SYTL5: variants seen among roughly 807,000 people sequenced by gnomAD.
SYTL5 encodes the protein synaptotagmin-like protein 5.
SYTL5 carries 34 observed loss-of-function variants against 55.9 expected under a neutral mutation model. The ratio of observed to expected loss-of-function variants is 0.61; its 90% CI spans 0.46 to 0.81. The LOEUF is 0.81. Ranked by LOEUF, SYTL5 falls within the 30% of genes least tolerant of loss-of-function variation. SYTL5 has a pLI of 0.00. For missense variants in SYTL5, 637 were observed against 546.7 expected (o/e 1.17, Z -1.65); for synonymous variants, 221 against 188.7 (o/e 1.17, Z -1.40).
the SYTL5 span, among the ~76,000 whole-genome samples, chrX:37,918,572 T>C: frequency 8.9e-6 from 1 of 112,286 alleles, no homozygotes; most frequent in Non-Finnish European, 1.9e-5. Context: ...ATTATAGGGC[T>C]GTTGTGCATC....
chrX:37,961,078 C>T, the SYTL5 span, among the ~76,000 whole-genome samples: 1 of 110,702 alleles, frequency 9.0e-6, no homozygotes. Context: ...GCCACCGCGC[C>T]CGGCCTCCTC....
the SYTL5 span, chrX:37,949,480 C>T: frequency 6.3e-5 from 7 of 111,510 alleles, no homozygotes; most frequent in African/African-American, 2.3e-4. Context: ...TGCTTGCTGC[C>T]CAAAGCATTC....
At chrX:38,081,932 TGTGGGTAGA>T (rs1381457996) in intron 6 of SYTL5, among the ~76,000 whole-genome samples, 55 of 111,580 alleles carry the variant, frequency 4.9e-4, no homozygotes, top group Non-Finnish European at 3.8e-5. Context: ...ACCAAGATTC[TGTGGGTAGA>T]GGTAAGTGCT....
chrX:38,028,904 G>A (rs1383495070), intron 1 of SYTL5, among the ~76,000 whole-genome samples: 6 of 111,308 alleles, frequency 5.4e-5, no homozygotes, highest in African/African-American at 6.5e-5. Flanking sequence ...TGATTACCTC[G>A]GTGGCAATGT....
In SYTL5 at chrX:38,026,648, T is replaced by A. The variant is rs752336303; in HGVS notation, c.-356-6886T>A. Among the ~76,000 whole-genome samples, 3 of 112,364 alleles carry A rather than the reference T, an allele frequency of 2.7e-5. No homozygotes were observed. In the East Asian group the frequency reaches 8.4e-4, roughly 32 times the overall value. Reference sequence around the variant, plus strand: ...ATTATTCATGCCTCCCCTTTTTAGATCATACAGGGTAACTTTCTAATGTTG... The same window carrying A: ...ATTATTCATGCCTCCCCTTTTTAGAACATACAGGGTAACTTTCTAATGTTG... On this transcript the variant is annotated intron_variant, in intron 1 of 16. Coordinates refer to ENST00000297875, the MANE Select transcript of SYTL5 (RefSeq NM_138780.3).
the SYTL5 span, among the ~76,000 whole-genome samples, chrX:37,931,851 T>C: frequency 1.8e-5 from 2 of 111,197 alleles, no homozygotes; most frequent in South Asian, 3.8e-4. Context: ...TCAATTTGAG[T>C]TGACTAAATA....
chrX:37,902,666 C>T, the SYTL5 span, among the ~76,000 whole-genome samples: 7 of 111,267 alleles, frequency 6.3e-5, no homozygotes, highest in South Asian at 1.5e-3. Context: ...TCTCTCCCTC[C>T]GCCAAAATAA....
chrX:37,900,314 C>T, the SYTL5 span, among the ~76,000 whole-genome samples: 3 of 112,354 alleles, frequency 2.7e-5, no homozygotes, highest in African/African-American at 9.7e-5. Context: ...AGAATTCATA[C>T]TTTCATAGTT....
rs1049514584 is a variant in SYTL5 at position 38,072,231 on chromosome X, A to G, written c.445+69A>G. The G allele has an allele frequency of 6.1e-6, 5 of 825,933 alleles. No homozygotes were observed. The East Asian group carries it at 1.3e-4, about 21-fold the overall frequency. The allele number at this position is 825,933 out of a possible 1,213,427, so 68.1% of individuals were successfully genotyped here. A position where few individuals can be genotyped will look rare whatever the true frequency, so the allele number is the denominator to read the frequency against. On this transcript the variant is annotated intron_variant, in intron 4 of 16. Transcript: ENST00000297875. ...ATTTGGCTAACTAAATAACTTCTCT[A>G]TGTTATGTAGTTAATCAGCATAAAT...
chrX:38,023,892 T>C (rs974160709), intron 1 of SYTL5: 1 of 102,016 alleles, frequency 9.8e-6, no homozygotes, highest in Admixed American at 1.0e-4. Flanking sequence ...TAAACAGTGA[T>C]CTTAAATATT....
At chrX:37,925,755 C>A in the SYTL5 span, among the ~76,000 whole-genome samples, 4,620 of 110,703 alleles carry the variant, frequency 0.042, 242 homozygotes, top group African/African-American at 0.14. Context: ...TCCCTCACCC[C>A]CCTCTTCCCT....
chrX:37,955,162 G>C, the SYTL5 span, among the ~76,000 whole-genome samples: 1 of 110,550 alleles, frequency 9.0e-6, no homozygotes, highest in African/African-American at 3.3e-5. Context: ...AAAAATCAGA[G>C]AGGATGTGGC....
chrX:38,113,144 A>G (rs1391274590), intron 13 of SYTL5, among the ~76,000 whole-genome samples: 1 of 112,072 alleles, frequency 8.9e-6, no homozygotes, highest in Non-Finnish European at 1.9e-5. Flanking sequence ...AACATACTGT[A>G]GTTTCACAGT....
chrX:37,954,106 G>C, the SYTL5 span, among the ~76,000 whole-genome samples: 3 of 111,610 alleles, frequency 2.7e-5, no homozygotes, highest in African/African-American at 9.7e-5. Flanking sequence ...AGAACATCTA[G>C]TCCTCTGAAC....
At chrX:38,039,776 A>G (rs772947678) in intron 2 of SYTL5, among the ~76,000 whole-genome samples, 1 of 112,297 alleles carries the variant, frequency 8.9e-6, no homozygotes, top group Non-Finnish European at 1.9e-5. Context: ...TTGCCTTACA[A>G]CATAACATTT....
the SYTL5 span, among the ~76,000 whole-genome samples, chrX:37,922,472 T>C: frequency 8.9e-6 from 1 of 112,308 alleles, no homozygotes; most frequent in Non-Finnish European, 1.9e-5. Flanking sequence ...TAAATATTAG[T>C]CTAGGGAAAA....
intron 1 of SYTL5, among the ~76,000 whole-genome samples, chrX:38,021,104 G>T (rs1047690881): frequency 2.7e-5 from 3 of 111,278 alleles, no homozygotes; most frequent in African/African-American, 9.8e-5. Context: ...TAAGCCCTTG[G>T]GTGACCACAG....
At chrX:37,895,409 TTTCCTTCCTTCCTTCCTTCC>T in the SYTL5 span, among the ~76,000 whole-genome samples, 3 of 83,445 alleles carry the variant, frequency 3.6e-5, no homozygotes, top group East Asian at 1.2e-3. Flanking sequence ...TAGTTTTTCT[TTTCCTTCCTTCCTTCCTTCC>T]TTCCTTCCTT....
rs183638662 is a variant in SYTL5 at position 38,089,653 on chromosome X, A to T, written c.831+66A>T. The T allele has an allele frequency of 1.3e-4, 134 of 1,065,395 alleles. No homozygotes were observed. In the East Asian group the frequency reaches 3.3e-3, roughly 26 times the overall value. 87.8% of individuals were successfully genotyped at this position (1,065,395 alleles called of 1,213,427 possible). A position where few individuals can be genotyped will look rare whatever the true frequency, so the allele number is the denominator to read the frequency against. The stretch of plus-strand genomic sequence containing the variant: ...TCACACTGCTATAAAGAACTGCCAG[A>T]GATTGGGTAATTTATAAACAAAAGA... On this transcript the variant is annotated intron_variant, in intron 7 of 16. Transcript: ENST00000297875.
Sources: allele counts gnomAD v4.1 joint callset (sites outside exome capture counted in the v4.1 genomes callset), GRCh38; gene constraint gnomAD v4.1.1; transcripts MANE v1.5; gene names NCBI Gene and HGNC (gene_info 2026-07-23, HGNC 2026-07-21).